EXOC6: variants seen among roughly 807,000 people sequenced by gnomAD.
EXOC6 encodes the protein SEC15-like 1.
EXOC6 carries 60 observed loss-of-function variants against 112.5 expected under a neutral mutation model. The ratio of observed to expected loss-of-function variants is 0.53; its 90% CI spans 0.43 to 0.66. EXOC6 has a LOEUF of 0.66. Among genes scored for constraint, EXOC6 ranks in the 30% least tolerant of loss-of-function variants. The probability of loss-of-function intolerance (pLI) is 0.00; values close to 1 mark genes in which losing one functional copy is unlikely to be tolerated. For synonymous variants in EXOC6, 295 were observed against 308.0 expected (o/e 0.96, Z 0.44); for missense variants, 855 against 957.1 (o/e 0.89, Z 1.41).
chr10:92,842,099 G>A (rs563872832), intron 1 of EXOC6, among the ~76,000 whole-genome samples: 5 of 152,136 alleles, frequency 3.3e-5, no homozygotes, highest in Admixed American at 1.3e-4. Context: ...AGTGGCTCAC[G>A]CCTGGAATCC....
chr10:92,937,122 A>T (rs1413486869), intron 12 of EXOC6, among the ~76,000 whole-genome samples: 1 of 152,218 alleles, frequency 6.6e-6, no homozygotes, highest in Non-Finnish European at 1.5e-5. Flanking sequence ...CTCCTTGATC[A>T]CAGATAATAA....
At chr10:92,952,699 A>G (rs985707965) in intron 15 of EXOC6, among the ~76,000 whole-genome samples, 2 of 152,132 alleles carry the variant, frequency 1.3e-5, no homozygotes, top group African/African-American at 2.4e-5. Flanking sequence ...AACATGCAGT[A>G]TTTGGTTTTC....
chr10:92,874,865 C>T (rs1308916653), intron 1 of EXOC6, among the ~76,000 whole-genome samples: 1 of 152,082 alleles, frequency 6.6e-6, no homozygotes, highest in Non-Finnish European at 1.5e-5. Flanking sequence ...GGATGACCAC[C>T]TATAGCTTTT....
chr10:92,943,107 C>T (rs7078550), intron 13 of EXOC6, among the ~76,000 whole-genome samples: 4,958 of 151,684 alleles, frequency 0.033, 284 homozygotes, highest in African/African-American at 0.12. Context: ...CTGCAATCTC[C>T]GCTTCCTGGG....
intron 18 of EXOC6, among the ~76,000 whole-genome samples, chr10:92,996,433 T>C (rs835240): frequency 0.23 from 34,354 of 151,994 alleles, 4,496 homozygotes; most frequent in African/African-American, 0.37. Flanking sequence ...CTGGCTAACA[T>C]GGTGAAACTC....
At chr10:92,858,916 C>T (rs61860821) in intron 1 of EXOC6, among the ~76,000 whole-genome samples, 1,722 of 152,238 alleles carry the variant, frequency 0.011, 19 homozygotes, top group Non-Finnish European at 0.017. Flanking sequence ...AGGCGCACAC[C>T]GCCACACCCG....
At chr10:93,015,846 G>A (rs1478909777) in intron 20 of EXOC6, among the ~76,000 whole-genome samples, 1 of 152,128 alleles carries the variant, frequency 6.6e-6, no homozygotes, top group African/African-American at 2.4e-5. Flanking sequence ...GTAAAGTATG[G>A]TACATATAAA....
At chr10:93,006,268 G>C (rs964162967) in intron 19 of EXOC6, among the ~76,000 whole-genome samples, 1 of 152,104 alleles carries the variant, frequency 6.6e-6, no homozygotes, top group African/African-American at 2.4e-5. Flanking sequence ...AAAAAGGGCT[G>C]TGCCCCATAA....
In EXOC6 at chr10:93,047,318, CTT is replaced by C. The variant is rs2134355955; in HGVS notation, c.2170-9605_2170-9604del. ...TTGGGAGGCCAAGGCAGGTGGATCACTTGAGCCCCGGAGTTCGAGACCAGCCT... is the reference window on the plus strand; with the variant it reads ...TTGGGAGGCCAAGGCAGGTGGATCACGAGCCCCGGAGTTCGAGACCAGCCT... On this transcript the variant is annotated intron_variant, in intron 20 of 21. Transcript: ENST00000260762. Among the ~76,000 whole-genome samples, 4 of 151,638 alleles carry C rather than the reference CTT, an allele frequency of 2.6e-5. No homozygotes were observed. The East Asian group carries it at 7.9e-4, about 30-fold the overall frequency.
upstream of EXOC6, among the ~76,000 whole-genome samples, chr10:92,847,536 A>G (rs1459194244): frequency 6.6e-6 from 1 of 152,220 alleles, no homozygotes; most frequent in African/African-American, 2.4e-5. Context: ...AAAGCCCTGG[A>G]TTAATGTAGA....
rs113120708 is a variant in EXOC6 at position 93,017,050 on chromosome 10, A to G, written c.2169+2783A>G. On this transcript the variant is annotated intron_variant, in intron 20 of 21. Coordinates refer to ENST00000260762, the MANE Select transcript of EXOC6 (RefSeq NM_019053.6). The stretch of plus-strand genomic sequence containing the variant: ...AGGCTGGTCTCAAACTCCTGACCTC[A>G]GGTGATTCACTTGCCTTGGCCTCCC... Among the ~76,000 whole-genome samples, 604 of 152,166 alleles carry G rather than the reference A, an allele frequency of 4.0e-3. 3 individuals are homozygous for G. Among genetic ancestry groups the G allele is most frequent in the African/African-American group, 0.014 (574 of 41,502 alleles).
intron 18 of EXOC6, chr10:92,987,687 T>G: frequency 1.1e-6 from 1 of 903,646 alleles, no homozygotes; most frequent in Non-Finnish European, 1.3e-6. Flanking sequence ...TAGAAAATAA[T>G]GAATTTCCTG....
At chr10:92,960,820 G>T (rs1853951935) in intron 17 of EXOC6, among the ~76,000 whole-genome samples, 1 of 152,064 alleles carries the variant, frequency 6.6e-6, no homozygotes, top group African/African-American at 2.4e-5. Flanking sequence ...CTCAGCAGGA[G>T]TTGGGGTATT....
intron 1 of EXOC6, among the ~76,000 whole-genome samples, chr10:92,857,064 A>G (rs1847636967): frequency 6.6e-6 from 1 of 152,046 alleles, no homozygotes; most frequent in South Asian, 2.1e-4. Flanking sequence ...CAATTTGAGA[A>G]CCTATGCCTT....
At chr10:92,962,421 A>T (rs1225337027) in intron 17 of EXOC6, among the ~76,000 whole-genome samples, 1 of 151,852 alleles carries the variant, frequency 6.6e-6, no homozygotes, top group African/African-American at 2.4e-5. Flanking sequence ...ACAGGGTCCC[A>T]CTCTGTCATC....
intron 19 of EXOC6, among the ~76,000 whole-genome samples, chr10:93,013,910 G>A (rs3736936): frequency 0.3 from 44,894 of 152,098 alleles, 7,516 homozygotes; most frequent in East Asian, 0.77. Flanking sequence ...ATTGAAGTAC[G>A]TTACTGTTAA....
chr10:92,954,759 A>G lies in EXOC6; in HGVS notation c.1638+18A>G, dbSNP rs1442606598. On this transcript the variant is annotated intron_variant, in intron 16 of 21. Coordinates refer to ENST00000260762, the MANE Select transcript of EXOC6 (RefSeq NM_019053.6). ...TGACAGAGGTAGGTTAAAAAGACACATATAGTGAAATGTTTCATTGTATGA... is the reference window on the plus strand; with the variant it reads ...TGACAGAGGTAGGTTAAAAAGACACGTATAGTGAAATGTTTCATTGTATGA... The G allele has an allele frequency of 9.6e-7, 1 of 1,046,678 alleles. No individual in the cohort carries two copies. The highest frequency in any genetic ancestry group is 1.5e-6 in the Non-Finnish European group (1 of 681,418). 64.8% of individuals were successfully genotyped at this position (1,046,678 alleles called of 1,614,324 possible).
chr10:92,975,713 C>T lies in EXOC6; in HGVS notation c.1953+1481C>T, dbSNP rs1197821653. Among the ~76,000 whole-genome samples the T allele has an allele frequency of 1.9e-4, 24 of 123,900 alleles. 1 individual carries two copies. The South Asian group carries it at 3.0e-3, about 15-fold the overall frequency. The allele number at this position is 123,900 out of a possible 152,430, so 81.3% of individuals were successfully genotyped here. A position where few individuals can be genotyped will look rare whatever the true frequency, so the allele number is the denominator to read the frequency against. ...CTGGGAAGTGAGGAGCCCCTCTGCC[C>T]GGCCAGCCGCCCCGTCCGGGAGGGA... On this transcript the variant is annotated intron_variant, in intron 18 of 21. Transcript: ENST00000260762.
At chr10:92,850,036 G>C (rs61860814) in intron 1 of EXOC6, among the ~76,000 whole-genome samples, 6 of 152,134 alleles carry the variant, frequency 3.9e-5, no homozygotes, top group South Asian at 4.1e-4. Flanking sequence ...TTAATAAACT[G>C]TATACTTGGT....
Sources: allele counts gnomAD v4.1 joint callset (sites outside exome capture counted in the v4.1 genomes callset), GRCh38; gene constraint gnomAD v4.1.1; transcripts MANE v1.5; gene names NCBI Gene and HGNC (gene_info 2026-07-23, HGNC 2026-07-21).